Variants in CFAP61 observed in about 807,000 individuals in gnomAD.
CFAP61 encodes cilia and flagella associated protein 61.
In CFAP61, 107 loss-of-function variants were observed where a neutral mutation model predicts 135.6. The ratio of observed to expected loss-of-function variants is 0.79; its 90% CI spans 0.67 to 0.93. The LOEUF is 0.93. Among genes scored for constraint, CFAP61 ranks in the 40% least tolerant of loss-of-function variants. The pLI is 0.00. For missense variants in CFAP61, 1,507 were observed against 1,556.2 expected, an observed-to-expected ratio of 0.97 and a Z score of 0.53; for synonymous variants, 575 against 578.5, an observed-to-expected ratio of 0.99 and a Z score of 0.09.
intron 5 of CFAP61, 44 bp from the exon 6 acceptor site, chr20:20,075,445 T>C (rs2045983565): frequency 6.2e-7 from 1 of 1,606,030 alleles, no homozygotes; most frequent in South Asian, 1.1e-5. Flanking sequence ...CCCAAATTTA[T>C]TTCTTGATAA....
At chr20:20,085,306 T>G (rs1318497991) in intron 6 of CFAP61, 1 of 985,350 alleles carries the variant, frequency 1.0e-6, no homozygotes, top group African/African-American at 1.7e-5. Flanking sequence ...GTTTTGTTTC[T>G]GTGGGGCTGG....
rs1569006967 is a variant in CFAP61, at chr20:20,149,144, ATAGAACATGGAC to A, written c.951+6197_951+6208del. 4.6e-5 allele frequency among the ~76,000 whole-genome samples: 7 copies of A among 152,362 alleles called. No individual in the cohort carries two copies. The East Asian group carries it at 1.3e-3, about 29-fold the overall frequency. On this transcript the variant is annotated intron_variant, in intron 9 of 26. Transcript: ENST00000245957. ...GAATATACATTCTTTTCAAGTATAC[ATAGAACATGGAC>A]AGTTTACCAAGATAGACCATATTAT... is the stretch of plus-strand genomic sequence containing the variant.
At chr20:20,308,907 G>T (rs1181772031) in intron 25 of CFAP61, among the ~76,000 whole-genome samples, 3 of 152,174 alleles carry the variant, frequency 2.0e-5, no homozygotes, top group Non-Finnish European at 4.4e-5. Context: ...ATGAGCCGTG[G>T]TTATCTTTAA....
At chr20:20,091,020 G>A in intron 7 of CFAP61, 44 bp downstream of exon 7, 1 of 1,607,122 alleles carries the variant, frequency 6.2e-7, no homozygotes, top group Non-Finnish European at 8.5e-7. Context: ...TGAGAGGAAG[G>A]AGGGATGTGA....
At chr20:20,306,862 G>C (rs943667976) in intron 25 of CFAP61, among the ~76,000 whole-genome samples, 2 of 152,238 alleles carry the variant, frequency 1.3e-5, no homozygotes. Flanking sequence ...TTCAGCACAG[G>C]GATGGCCCTG....
intron 6 of CFAP61, among the ~76,000 whole-genome samples, chr20:20,077,813 G>A (rs2046160819): frequency 6.8e-6 from 1 of 146,598 alleles, no homozygotes. Context: ...TAAGATAGGG[G>A]TTGTGGAGAC....
chr20:20,289,531 A>G (rs745494368), intron 23 of CFAP61, among the ~76,000 whole-genome samples: 3 of 152,230 alleles, frequency 2.0e-5, no homozygotes, highest in Admixed American at 1.3e-4. Context: ...AAAAATGCAC[A>G]TATTTACAAA....
intron 9 of CFAP61, among the ~76,000 whole-genome samples, chr20:20,144,329 T>A (rs1272440310): frequency 6.6e-6 from 1 of 152,192 alleles, no homozygotes; most frequent in Non-Finnish European, 1.5e-5. Flanking sequence ...AGAACAGTTA[T>A]CATAACTGTA....
chr20:20,277,898 C>A (rs2053895979), intron 22 of CFAP61, among the ~76,000 whole-genome samples: 1 of 152,196 alleles, frequency 6.6e-6, no homozygotes, highest in Non-Finnish European at 1.5e-5. Flanking sequence ...CTGGCTTCCT[C>A]ACAACATGGT....
At chr20:20,358,057 A>C (rs76871371) in intron 26 of CFAP61, among the ~76,000 whole-genome samples, 32 of 118,808 alleles carry the variant, frequency 2.7e-4, no homozygotes, top group Non-Finnish European at 3.0e-4. Flanking sequence ...TCATAGTGTG[A>C]GGGGAGGTGG....
At chr20:20,092,895 A>G (rs1031096906) in intron 7 of CFAP61, among the ~76,000 whole-genome samples, 3 of 152,246 alleles carry the variant, frequency 2.0e-5, no homozygotes, top group Non-Finnish European at 4.4e-5. Context: ...TGGTAGGAAT[A>G]TAAAATGCTG....
At chr20:20,249,316 G>A (rs1347017428) in intron 19 of CFAP61, among the ~76,000 whole-genome samples, 1 of 152,048 alleles carries the variant, frequency 6.6e-6, no homozygotes, top group African/African-American at 2.4e-5. Context: ...TGAGAAGATT[G>A]CTTGTGCCCA....
chr20:20,296,965 A>G (rs145686816), intron 24 of CFAP61, among the ~76,000 whole-genome samples: 2 of 152,208 alleles, frequency 1.3e-5, no homozygotes, highest in African/African-American at 4.8e-5. Flanking sequence ...ATCCATTTCT[A>G]TAAACAAAGG....
At chr20:20,070,081 G>A (rs1212581779) in intron 2 of CFAP61, among the ~76,000 whole-genome samples, 1 of 152,156 alleles carries the variant, frequency 6.6e-6, no homozygotes, top group African/African-American at 2.4e-5. Flanking sequence ...TTGCTGCCTT[G>A]ATGGGCCACA....
At chr20:20,225,074 T>C (rs1887553) in intron 17 of CFAP61, among the ~76,000 whole-genome samples, 95,322 of 151,982 alleles carry the variant, frequency 0.63, 30,249 homozygotes, top group East Asian at 0.75. Flanking sequence ...CATGAAAACT[T>C]GTAGTTTGAA....
At chr20:20,084,941 G>A (rs1281235654) in intron 6 of CFAP61, among the ~76,000 whole-genome samples, 1 of 152,172 alleles carries the variant, frequency 6.6e-6, no homozygotes, top group Non-Finnish European at 1.5e-5. Flanking sequence ...GTGTTTATGA[G>A]GTGGACCTTT....
At chr20:20,308,481 G>A (rs899229394) in intron 25 of CFAP61, among the ~76,000 whole-genome samples, 3 of 151,974 alleles carry the variant, frequency 2.0e-5, no homozygotes, top group South Asian at 2.1e-4. Flanking sequence ...GGGAAGGGGC[G>A]GAGCAGGTAA....
chr20:20,231,164 C>G (rs1329584255), intron 18 of CFAP61, among the ~76,000 whole-genome samples: 3 of 152,170 alleles, frequency 2.0e-5, no homozygotes, highest in Admixed American at 1.3e-4. Context: ...CTGATATTCC[C>G]TAGGATGTAA....
chr20:20,102,494 A>G (rs1195830758), intron 8 of CFAP61, among the ~76,000 whole-genome samples: 1 of 152,050 alleles, frequency 6.6e-6, no homozygotes, highest in Non-Finnish European at 1.5e-5. Context: ...TTGTTTTTTA[A>G]CTTTTAAGTT....
Sources: gnomAD v4.1 joint callset for allele counts (sites outside exome capture counted in the v4.1 genomes callset) on GRCh38, gnomAD v4.1.1 for gene constraint, MANE v1.5 for transcripts, NCBI Gene and HGNC (gene_info 2026-07-23, HGNC 2026-07-21) for gene names.